Variants in STT3B observed in about 807,000 individuals in gnomAD.
The protein encoded by STT3B is dolichyl-diphosphooligosaccharide--protein glycosyltransferase subunit STT3B.
A neutral mutation model predicts 96.8 loss-of-function variants in STT3B; 29 were observed. The observed-to-expected ratio is 0.30, with a 90% CI of 0.22 to 0.41. The LOEUF (loss-of-function observed/expected upper bound fraction) is 0.41. Ranked by LOEUF, STT3B falls within the 10% of genes least tolerant of loss-of-function variation. STT3B has a pLI of 1.00. For missense variants in STT3B, 640 were observed against 1,022.3 expected (o/e 0.63, Z 5.10); for synonymous variants, 367 against 360.0 (o/e 1.02, Z -0.22).
At chr3:31,591,449 G>A (rs1213854748) in intron 3 of STT3B, among the ~76,000 whole-genome samples, 1 of 152,032 alleles carries the variant, frequency 6.6e-6, no homozygotes, top group Non-Finnish European at 1.5e-5. Context: ...ATTTGCACCT[G>A]CCATTTACTG....
At chr3:31,571,551 A>G (rs1388263387) in intron 1 of STT3B, among the ~76,000 whole-genome samples, 4 of 152,142 alleles carry the variant, frequency 2.6e-5, no homozygotes, top group Non-Finnish European at 4.4e-5. Flanking sequence ...GGCTACAGGT[A>G]TTGGATTACA....
chr3:31,583,042 A>G (rs1185994176), intron 3 of STT3B, among the ~76,000 whole-genome samples: 3 of 152,160 alleles, frequency 2.0e-5, no homozygotes, highest in Non-Finnish European at 4.4e-5. Flanking sequence ...TGTTTTGTGC[A>G]TGTCTTTTAG....
intron 1 of STT3B, among the ~76,000 whole-genome samples, chr3:31,546,284 T>C (rs1431526185): frequency 6.8e-6 from 1 of 146,976 alleles, no homozygotes; most frequent in Middle Eastern, 3.4e-3. Context: ...GCTGAGGTGC[T>C]GAGATGATTG....
intron 1 of STT3B, among the ~76,000 whole-genome samples, chr3:31,539,422 A>G (rs966756892): frequency 6.6e-6 from 1 of 152,180 alleles, no homozygotes; most frequent in Admixed American, 6.5e-5. Flanking sequence ...ATTTCCATAG[A>G]CAAAAGATAA....
intron 5 of STT3B, among the ~76,000 whole-genome samples, chr3:31,603,975 T>A (rs557546743): frequency 5.0e-4 from 76 of 152,288 alleles, no homozygotes; most frequent in African/African-American, 1.7e-3. Flanking sequence ...AAGACTTGGT[T>A]TTTAGTTTAT....
At chr3:31,570,031 G>A (rs1575418816) in intron 1 of STT3B, among the ~76,000 whole-genome samples, 1 of 151,976 alleles carries the variant, frequency 6.6e-6, no homozygotes, top group South Asian at 2.1e-4. Context: ...GAACCTCCAT[G>A]AATACATCAC....
chr3:31,634,431 T>A (rs1017480105), intron 15 of STT3B, among the ~76,000 whole-genome samples: 4 of 152,202 alleles, frequency 2.6e-5, no homozygotes, highest in African/African-American at 7.2e-5. Context: ...CAAATAAATG[T>A]GAATGGATAA....
rs940674729 is a variant in STT3B, at chr3:31,609,713, G to A, written c.878-5392G>A. 3.9e-5 allele frequency among the ~76,000 whole-genome samples: 6 copies of A among 152,090 alleles called. No homozygotes were observed. The South Asian group carries it at 1.2e-3, about 32-fold the overall frequency. Reference sequence around the variant, plus strand: ...GGGTTCAAGCAATTCTCCTGCCTCAGCCTCCTGAGTGGCTGGGACTACAGG... The same window carrying A: ...GGGTTCAAGCAATTCTCCTGCCTCAACCTCCTGAGTGGCTGGGACTACAGG... On this transcript the variant is annotated intron_variant, in intron 5 of 15. Transcript: ENST00000295770.
chr3:31,564,786 A>T (rs1559367502), intron 1 of STT3B, among the ~76,000 whole-genome samples: 1 of 152,316 alleles, frequency 6.6e-6, no homozygotes, highest in East Asian at 1.9e-4. Flanking sequence ...TAAAAAGTAA[A>T]ATGAGATTTT....
chr3:31,555,654 T>G (rs1215114770), intron 1 of STT3B, among the ~76,000 whole-genome samples: 1 of 152,104 alleles, frequency 6.6e-6, no homozygotes, highest in Non-Finnish European at 1.5e-5. Context: ...TTCTTTAGTC[T>G]TTTTACATTA....
chr3:31,571,874 G>A (rs1224935408), intron 1 of STT3B, among the ~76,000 whole-genome samples: 1 of 149,546 alleles, frequency 6.7e-6, no homozygotes, highest in East Asian at 1.9e-4. Context: ...TGTAACATAA[G>A]TTCATGATAT....
intron 2 of STT3B, among the ~76,000 whole-genome samples, chr3:31,577,871 A>G (rs974773839): frequency 1.3e-5 from 2 of 152,114 alleles, no homozygotes; most frequent in Admixed American, 6.6e-5. Flanking sequence ...TGATAACTAT[A>G]GTTTTTCTTG....
intron 1 of STT3B, among the ~76,000 whole-genome samples, chr3:31,540,862 A>G (rs1697249588): frequency 6.6e-6 from 1 of 152,190 alleles, no homozygotes; most frequent in Non-Finnish European, 1.5e-5. Flanking sequence ...AAGGAGTTGG[A>G]GAAAAGGATC....
intron 1 of STT3B, among the ~76,000 whole-genome samples, chr3:31,570,462 G>A (rs1384335468): frequency 6.6e-6 from 1 of 152,158 alleles, no homozygotes; most frequent in East Asian, 1.9e-4. Context: ...TCAGGTCTGA[G>A]ATGATCGTAT....
chr3:31,583,876 G>A (rs1354772190), intron 3 of STT3B, among the ~76,000 whole-genome samples: 5 of 151,922 alleles, frequency 3.3e-5, no homozygotes, highest in Non-Finnish European at 5.9e-5. Flanking sequence ...TTTGTGGATT[G>A]CCTTTTCACT....
intron 5 of STT3B, among the ~76,000 whole-genome samples, chr3:31,612,734 G>A (rs74576410): frequency 0.015 from 2,227 of 152,090 alleles, 28 homozygotes; most frequent in Non-Finnish European, 0.023. Flanking sequence ...TTTCAAATAC[G>A]CCTGGAAATG....
At chr3:31,566,749 A>T (rs1214165209) in intron 1 of STT3B, among the ~76,000 whole-genome samples, 1 of 151,854 alleles carries the variant, frequency 6.6e-6, no homozygotes, top group Non-Finnish European at 1.5e-5. Flanking sequence ...TTACTCTTTT[A>T]TTTATCTGAA....
At chr3:31,613,675 TTTC>T (rs962707593) in intron 5 of STT3B, among the ~76,000 whole-genome samples, 13 of 151,952 alleles carry the variant, frequency 8.6e-5, no homozygotes, top group African/African-American at 1.4e-4. Context: ...TTCTTTTTTT[TTTC>T]TCTCTCTTTC....
In STT3B at chr3:31,564,702, G is replaced by A. The variant is rs187351264; in HGVS notation, c.315-11694G>A. ...CAAATCTGTAAATCAATGCTATTTC[G>A]TATATTAGATTGGAAAAGGTAGAAT... On this transcript the variant is annotated intron_variant, in intron 1 of 15. Coordinates refer to ENST00000295770, the MANE Select transcript of STT3B (RefSeq NM_178862.3). Among the ~76,000 whole-genome samples the A allele has an allele frequency of 1.6e-4, 24 of 152,182 alleles. No individual in the cohort carries two copies. The East Asian group carries it at 2.3e-3, about 15-fold the overall frequency.
Sources: gnomAD v4.1 joint callset for allele counts (sites outside exome capture counted in the v4.1 genomes callset) on GRCh38, gnomAD v4.1.1 for gene constraint, MANE v1.5 for transcripts, NCBI Gene and HGNC (gene_info 2026-07-23, HGNC 2026-07-21) for gene names.